The following GALNT14 variants were observed in gnomAD, a reference collection of about 807,000 sequenced individuals.
The protein encoded by GALNT14 is UDP-GalNAc:polypeptide N-acetylgalactosaminyltransferase 14.
Under a neutral mutation model 77.5 loss-of-function variants are expected in GALNT14, and 60 were observed. That is an observed-to-expected ratio of 0.77 (90% CI 0.63 to 0.96). The LOEUF (loss-of-function observed/expected upper bound fraction) is 0.96, where lower values mean the gene tolerates loss of function less well. GALNT14 is among the 40% of genes least tolerant of loss of function. The pLI, the probability that GALNT14 is intolerant of heterozygous loss-of-function variation, is 0.00. For synonymous variants in GALNT14, 280 were observed against 281.7 expected, an observed-to-expected ratio of 0.99 and a Z score of 0.06; for missense variants, 710 against 731.0, an observed-to-expected ratio of 0.97 and a Z score of 0.33.
chr2:30,913,590 C>T (rs977306100), intron 13 of GALNT14, among the ~76,000 whole-genome samples: 1 of 152,206 alleles, frequency 6.6e-6, no homozygotes, highest in African/African-American at 2.4e-5. Context: ...CTCCCACAGG[C>T]TCAGGACCTT....
chr2:31,012,316 T>G (rs1164972151), intron 1 of GALNT14, among the ~76,000 whole-genome samples: 1 of 152,186 alleles, frequency 6.6e-6, no homozygotes, highest in Non-Finnish European at 1.5e-5. Flanking sequence ...GCCACCACCA[T>G]GACTTTAAGG....
intron 1 of GALNT14, among the ~76,000 whole-genome samples, chr2:31,090,451 T>C (rs1165298833): frequency 6.6e-6 from 1 of 150,690 alleles, no homozygotes; most frequent in Non-Finnish European, 1.5e-5. Flanking sequence ...GCTCCAGCTC[T>C]GCTTGCACTG....
intron 1 of GALNT14, among the ~76,000 whole-genome samples, chr2:31,072,804 C>T (rs1454948965): frequency 1.3e-5 from 2 of 152,166 alleles, no homozygotes; most frequent in Non-Finnish European, 2.9e-5. Context: ...CACCCCAGTG[C>T]TCCTTCCATG....
Position 30,944,865 on chromosome 2 carries a change from G to A in GALNT14, c.820C>T (p.Pro274Ser), listed in dbSNP as rs1265519048. Residue 274 changes from proline to serine, a missense_variant, in exon 8 of 15, where the codon CCC becomes TCC. Pro to Ser is a moderately conservative substitution (Grantham distance 74). Transcript: ENST00000349752. The stretch of plus-strand genomic sequence containing the variant: ...CAGACTCTTCCCACTTACCTGATGG[G>A]CTCCGTGGGGTCCAGGCGCCGAGCC... Reference protein sequence around the residue: ...QKARRLDPTEPIRTPIIAGGL... With the variant: ...QKARRLDPTESIRTPIIAGGL... 16 of 1,606,964 alleles carry A rather than the reference G, an allele frequency of 1.0e-5. No homozygotes were observed. The highest frequency in any genetic ancestry group is 1.3e-5 in the Non-Finnish European group (15 of 1,175,558).
chr2:31,023,820 C>T (rs1287703334), intron 1 of GALNT14, among the ~76,000 whole-genome samples: 3 of 152,104 alleles, frequency 2.0e-5, no homozygotes, highest in Admixed American at 2.0e-4. Context: ...CTCTCCTCCT[C>T]CAGCTAAACA....
At chr2:31,078,707 C>T (rs182165840) in intron 1 of GALNT14, among the ~76,000 whole-genome samples, 1 of 152,266 alleles carries the variant, frequency 6.6e-6, no homozygotes, top group Admixed American at 6.5e-5. Flanking sequence ...ACCGCATGCT[C>T]AGGACAGGGC....
chr2:31,069,023 C>T (rs1332032817), intron 1 of GALNT14, among the ~76,000 whole-genome samples: 1 of 152,122 alleles, frequency 6.6e-6, no homozygotes, highest in Non-Finnish European at 1.5e-5. Context: ...GAATTGAATG[C>T]TAATGGTGCA....
intron 8 of GALNT14, 53 bp downstream of exon 8, chr2:30,944,805 C>T (rs1016678988): frequency 1.5e-6 from 2 of 1,375,070 alleles, no homozygotes; most frequent in Non-Finnish European, 9.9e-7. Context: ...CTACACTTGA[C>T]AGGATCCAGT....
At chr2:31,036,667 T>C (rs1672756033) in intron 1 of GALNT14, among the ~76,000 whole-genome samples, 1 of 152,224 alleles carries the variant, frequency 6.6e-6, no homozygotes, top group South Asian at 2.1e-4. Context: ...AATCTCTCTT[T>C]AGTAGTTCTT....
Position 30,942,295 on chromosome 2 carries a change from G to A in GALNT14, c.837C>T (p.Ile279=), listed in dbSNP as rs770476633. Residue 279 remains isoleucine (I), a synonymous_variant, in exon 9 of 15, where the codon ATC becomes ATT. Transcript: ENST00000349752. Reference sequence around the variant, plus strand: ...CGATCACGAAGAGCCCTCCAGCTATGATAGGAGTCCTGTGCATTTGGAAGA... The same window carrying A: ...CGATCACGAAGAGCCCTCCAGCTATAATAGGAGTCCTGTGCATTTGGAAGA... ...LDPTEPIRTP[I]IAGGLFVIDK... The A allele has an allele frequency of 6.2e-7, 1 of 1,613,338 alleles. No individual in the cohort carries two copies. The highest frequency in any genetic ancestry group is 8.5e-7 in the Non-Finnish European group (1 of 1,179,382).
At chr2:30,941,154 G>C (rs1200676913) in intron 9 of GALNT14, among the ~76,000 whole-genome samples, 2 of 152,250 alleles carry the variant, frequency 1.3e-5, no homozygotes, top group African/African-American at 4.8e-5. Flanking sequence ...CCCCTGCTCA[G>C]AGAGCCTGTG....
chr2:30,956,642 G>A (rs1018929010), intron 4 of GALNT14, among the ~76,000 whole-genome samples: 2 of 152,100 alleles, frequency 1.3e-5, no homozygotes, highest in Non-Finnish European at 2.9e-5. Context: ...AGATAGCTGG[G>A]ACCACAGGCA....
intron 1 of GALNT14, among the ~76,000 whole-genome samples, chr2:30,996,163 G>T (rs1012768317): frequency 2.0e-5 from 3 of 152,170 alleles, no homozygotes; most frequent in African/African-American, 7.2e-5. Context: ...TTGACCAAAT[G>T]CCTGGGCACC....
Position 31,120,177 on chromosome 2 carries a change from A to T in GALNT14, c.129+17781T>A, listed in dbSNP as rs551694572. Reference sequence around the variant, plus strand: ...TCTCAAAAAAAAAAAAAAAAAAAAAAAATAATGAGCTAGCTGACCAGTAGG... The same window carrying T: ...TCTCAAAAAAAAAAAAAAAAAAAAATAATAATGAGCTAGCTGACCAGTAGG... On this transcript the variant is annotated intron_variant, in intron 1 of 14. Transcript: ENST00000349752. Among the ~76,000 whole-genome samples, 99 of 148,472 alleles carry T rather than the reference A, an allele frequency of 6.7e-4. 7 individuals carry two copies. The highest frequency in any genetic ancestry group is 5.7e-3 in the South Asian group (27 of 4,764).
At chr2:30,990,389 T>A (rs1457071568) in intron 2 of GALNT14, among the ~76,000 whole-genome samples, 1 of 151,980 alleles carries the variant, frequency 6.6e-6, no homozygotes, top group African/African-American at 2.4e-5. Context: ...CGGGACACAG[T>A]GGGGAGGCTG....
At chr2:31,016,114 G>A (rs962014185) in intron 1 of GALNT14, among the ~76,000 whole-genome samples, 1 of 152,166 alleles carries the variant, frequency 6.6e-6, no homozygotes, top group Admixed American at 6.5e-5. Context: ...AACAACAGAA[G>A]TTTATTTTCT....
the GALNT14 span, among the ~76,000 whole-genome samples, chr2:30,890,042 G>A: frequency 0.011 from 1,657 of 152,256 alleles, 41 homozygotes; most frequent in African/African-American, 0.038. Flanking sequence ...AAATGAACCT[G>A]TGGTCTCCCC....
chr2:30,988,118 G>A (rs1438749318), intron 2 of GALNT14, among the ~76,000 whole-genome samples: 2 of 152,216 alleles, frequency 1.3e-5, no homozygotes, highest in Non-Finnish European at 2.9e-5. Context: ...CGTAAAGCAG[G>A]TGGGAGAGGG....
chr2:30,963,680 A>G (rs2148336359), intron 3 of GALNT14, among the ~76,000 whole-genome samples: 1 of 152,332 alleles, frequency 6.6e-6, no homozygotes, highest in South Asian at 2.1e-4. Flanking sequence ...TATTTTTATC[A>G]TCATTTTCTA....
Sources: gnomAD v4.1 joint callset for allele counts (sites outside exome capture counted in the v4.1 genomes callset) on GRCh38, gnomAD v4.1.1 for gene constraint, MANE v1.5 for transcripts, NCBI Gene and HGNC (gene_info 2026-07-23, HGNC 2026-07-21) for gene names.